Variants in PPP2R1B observed in about 807,000 individuals in gnomAD.
The protein encoded by PPP2R1B is serine/threonine-protein phosphatase 2A 65 kDa regulatory subunit A beta isoform.
A neutral mutation model predicts 72.7 loss-of-function variants in PPP2R1B; 58 were observed. The observed-to-expected ratio is 0.80, with a 90% CI of 0.65 to 0.99. The LOEUF (loss-of-function observed/expected upper bound fraction) is 0.99, where lower values mean the gene tolerates loss of function less well. Ranked by LOEUF, PPP2R1B falls within the 50% of genes least tolerant of loss-of-function variation. The pLI, the probability that PPP2R1B is intolerant of heterozygous loss-of-function variation, is 0.00. For missense variants in PPP2R1B, 695 were observed against 733.6 expected (o/e 0.95, Z 0.61); for synonymous variants, 256 against 264.6 (o/e 0.97, Z 0.32).
At chr11:111,691,627 T>G in the PPP2R1B span, among the ~76,000 whole-genome samples, 1 of 152,186 alleles carries the variant, frequency 6.6e-6, no homozygotes, top group East Asian at 1.9e-4. Context: ...ATTCTATGGT[T>G]GTACATTTAG....
chr11:111,705,095 C>T, the PPP2R1B span: 4 of 1,605,074 alleles, frequency 2.5e-6, no homozygotes, highest in East Asian at 2.2e-5. The surrounding 1 kb of genome is among the most constrained non-coding windows in gnomAD (Gnocchi z 4.3). Flanking sequence ...ACTTGATGGC[C>T]GCCAGCGTCG....
downstream of PPP2R1B, chr11:111,722,765 G>A: frequency 6.2e-7 from 1 of 1,612,130 alleles, no homozygotes; most frequent in Non-Finnish European, 8.5e-7. This position sits in a 1 kb window ranked among gnomAD's most constrained non-coding sequence, Gnocchi z 4.4. Flanking sequence ...AGGTGAGAAG[G>A]GGACTTTGGC....
downstream of PPP2R1B, among the ~76,000 whole-genome samples, chr11:111,722,433 T>G (rs1943829648): frequency 6.6e-6 from 1 of 152,234 alleles, no homozygotes; most frequent in African/African-American, 2.4e-5. The surrounding 1 kb of genome is among the most constrained non-coding windows in gnomAD (Gnocchi z 4.4). Context: ...CTCACAGTCC[T>G]AGTGGACTTT....
the PPP2R1B span, among the ~76,000 whole-genome samples, chr11:111,710,604 T>C: frequency 6.2e-3 from 950 of 152,344 alleles, 7 homozygotes; most frequent in Middle Eastern, 0.014. Flanking sequence ...TCTTACATTC[T>C]TGTGATCATT....
chr11:111,753,067 G>C (rs1555048471), intron 9 of PPP2R1B, among the ~76,000 whole-genome samples: 4 of 152,090 alleles, frequency 2.6e-5, no homozygotes, highest in African/African-American at 9.7e-5. Context: ...AAAGCACTAA[G>C]GCTCATGCTT....
the PPP2R1B span, among the ~76,000 whole-genome samples, chr11:111,702,465 T>C: frequency 6.6e-6 from 1 of 152,198 alleles, no homozygotes; most frequent in Non-Finnish European, 1.5e-5. Flanking sequence ...GGCATGCACC[T>C]GTAGTCCTAG....
At chr11:111,725,760 T>C (rs1233750242), downstream of PPP2R1B, 1 of 152,644 alleles carries the variant, frequency 6.6e-6, no homozygotes, top group Non-Finnish European at 1.5e-5. Context: ...ATTCTGGCCA[T>C]GCGAGCCCAG....
At chr11:111,693,116 G>A in the PPP2R1B span, among the ~76,000 whole-genome samples, 1 of 152,006 alleles carries the variant, frequency 6.6e-6, no homozygotes, top group African/African-American at 2.4e-5. Context: ...GGCGGATCAC[G>A]AGGGCAGGAT....
chr11:111,726,786 A>G, downstream of PPP2R1B: 1 of 604,438 alleles, frequency 1.7e-6, no homozygotes, highest in Non-Finnish European at 3.0e-6. Context: ...CTTGCTTTCC[A>G]GTCTGATTCA....
the PPP2R1B span, chr11:111,705,135 C>G: frequency 3.2e-6 from 5 of 1,567,110 alleles, no homozygotes; most frequent in East Asian, 9.3e-5. This position sits in a 1 kb window ranked among gnomAD's most constrained non-coding sequence, Gnocchi z 4.3. Context: ...CAAACAGTTG[C>G]CAAGGTAATG....
At chr11:111,694,579 A>T in the PPP2R1B span, among the ~76,000 whole-genome samples, 1 of 152,192 alleles carries the variant, frequency 6.6e-6, no homozygotes, top group Non-Finnish European at 1.5e-5. Context: ...AGGCAAAGAT[A>T]GGAAAAATAT....
At position 111,760,859 on chromosome 11, in the gene PPP2R1B, A is replaced by G; in HGVS notation, c.499T>C (p.Tyr167His). 6.2e-7 allele frequency: 1 copy of G among 1,614,240 alleles called. No homozygotes were observed. Among genetic ancestry groups the G allele is most frequent in the Non-Finnish European group, 8.5e-7 (1 of 1,180,036 alleles). Residue 167 changes from tyrosine to histidine, a missense_variant, in exon 4 of 15, where the codon TAT (tyrosine) becomes CAT (histidine). Transcript: ENST00000527614. ...TTAACAGCATTTGATGCCCTGGGATAGCAAACGCTGAACAAACCACATGCA... is the reference window on the plus strand; with the variant it reads ...TTAACAGCATTTGATGCCCTGGGATGGCAAACGCTGAACAAACCACATGCA... ...TSACGLFSVC[Y>H]PRASNAVKAE...
intron 3 of PPP2R1B, 161 bp from the exon 4 acceptor site, chr11:111,761,212 ATGG>A: frequency 1.3e-6 from 1 of 743,200 alleles, no homozygotes; most frequent in East Asian, 2.7e-5. Flanking sequence ...GTGATAACAT[ATGG>A]TGCGGCCAAC....
chr11:111,736,697 T>A (rs564187783), downstream of PPP2R1B, among the ~76,000 whole-genome samples: 3 of 152,348 alleles, frequency 2.0e-5, no homozygotes, highest in Non-Finnish European at 4.4e-5. Context: ...ATGGTTTCGG[T>A]TCACATAAAA....
At chr11:111,689,509 T>C in the PPP2R1B span, among the ~76,000 whole-genome samples, 1 of 152,114 alleles carries the variant, frequency 6.6e-6, no homozygotes, top group Non-Finnish European at 1.5e-5. Context: ...GAGATTTTGT[T>C]TGACTTGGGT....
intron 3 of PPP2R1B, 92 bp downstream of exon 3, chr11:111,764,713 T>C: frequency 7.9e-7 from 1 of 1,268,828 alleles, no homozygotes; most frequent in South Asian, 1.3e-5. Context: ...AAGATCTGCA[T>C]AAAAAATGCT....
In PPP2R1B at chr11:111,753,542, C is replaced by T. The variant is rs781795550; in HGVS notation, c.1065G>A (p.Ser355=). The change falls in exon 9 of 15, where the codon TCG becomes TCA. Residue 355 remains serine, a synonymous_variant. Transcript: ENST00000527614. ...LVSDTNQHVK[S]ALASVIMGLS... The stretch of plus-strand genomic sequence containing the variant: ...ATCCCATAATTACAGAAGCTAGAGC[C>T]GATTTGACATGTTGATTGGTATCGG... The T allele has an allele frequency of 9.9e-6, 16 of 1,612,450 alleles. No homozygotes were observed. Among genetic ancestry groups the T allele is most frequent in the Admixed American group, 3.3e-5 (2 of 59,824 alleles).
At chr11:111,705,435 G>C in the PPP2R1B span, among the ~76,000 whole-genome samples, 4 of 152,068 alleles carry the variant, frequency 2.6e-5, no homozygotes, top group African/African-American at 9.7e-5. This position sits in a 1 kb window ranked among gnomAD's most constrained non-coding sequence, Gnocchi z 4.3. Context: ...GATTTACCAC[G>C]TGCGAGCTTC....
intron 3 of PPP2R1B, among the ~76,000 whole-genome samples, chr11:111,763,364 T>A (rs1390108852): frequency 6.6e-6 from 1 of 152,178 alleles, no homozygotes; most frequent in Non-Finnish European, 1.5e-5. Flanking sequence ...ATGATAATCC[T>A]ACAGAGGCGG....
Sources: gnomAD v4.1 joint callset for allele counts (sites outside exome capture counted in the v4.1 genomes callset) on GRCh38, gnomAD v4.1.1 for gene constraint, Gnocchi (gnomAD v3.1) non-coding constraint, MANE v1.5 for transcripts, NCBI Gene and HGNC (gene_info 2026-07-23, HGNC 2026-07-21) for gene names.